The following SUGCT variants were observed in gnomAD, a reference collection of about 807,000 sequenced individuals.
SUGCT encodes succinyl-CoA:glutarate-CoA transferase, also known as succinyl-CoA:glutarate CoA-transferase.
In SUGCT, 41 loss-of-function variants were observed where a neutral mutation model predicts 55.0. That is an observed-to-expected ratio of 0.74 (90% CI 0.58 to 0.97). The LOEUF (loss-of-function observed/expected upper bound fraction) is 0.97, where lower values mean the gene tolerates loss of function less well. Among genes scored for constraint, SUGCT ranks in the 50% least tolerant of loss-of-function variants. The pLI is 0.00. For missense variants in SUGCT, 568 were observed against 547.8 expected, an observed-to-expected ratio of 1.04 and a Z score of -0.37; for synonymous variants, 187 against 200.4, an observed-to-expected ratio of 0.93 and a Z score of 0.56.
chr7:40,928,874 C>T, the SUGCT span, among the ~76,000 whole-genome samples: 2 of 152,144 alleles, frequency 1.3e-5, no homozygotes, highest in Non-Finnish European at 2.9e-5. Flanking sequence ...GCTGGGATTA[C>T]AGGCATGAGC....
chr7:40,889,331 G>A, the SUGCT span, among the ~76,000 whole-genome samples: 1 of 152,184 alleles, frequency 6.6e-6, no homozygotes, highest in South Asian at 2.1e-4. Context: ...ACTGCTAGTG[G>A]CAATCCTTGA....
At chr7:40,165,891 TGGTG>T (rs943480702) in intron 1 of SUGCT, among the ~76,000 whole-genome samples, 2 of 152,180 alleles carry the variant, frequency 1.3e-5, no homozygotes, top group African/African-American at 4.8e-5. Context: ...AGGCCGAGGC[TGGTG>T]GATCACTTAA....
chr7:40,672,463 G>C (rs956632266), intron 12 of SUGCT, among the ~76,000 whole-genome samples: 13 of 152,084 alleles, frequency 8.5e-5, no homozygotes, highest in Non-Finnish European at 4.4e-5. Flanking sequence ...AATCCCAGTA[G>C]GTTACATATG....
chr7:40,577,820 C>A (rs1796849179), intron 12 of SUGCT, among the ~76,000 whole-genome samples: 1 of 152,044 alleles, frequency 6.6e-6, no homozygotes. Flanking sequence ...GCAGTTTGAG[C>A]CTTAAGCTGA....
chr7:40,670,468 A>G (rs1277792267), intron 12 of SUGCT, among the ~76,000 whole-genome samples: 2 of 152,158 alleles, frequency 1.3e-5, no homozygotes, highest in Non-Finnish European at 2.9e-5. Context: ...ATAAAACAGG[A>G]TATTACTACA....
chr7:40,171,883 A>T (rs73131715), intron 1 of SUGCT, among the ~76,000 whole-genome samples: 3,063 of 152,362 alleles, frequency 0.02, 43 homozygotes, highest in Middle Eastern at 0.082. Flanking sequence ...ATCTTCAATT[A>T]TCAATTGTAG....
chr7:40,538,950 G>A (rs2151612816), intron 12 of SUGCT: 1 of 152,482 alleles, frequency 6.6e-6, no homozygotes. Flanking sequence ...ATGGTGGCAG[G>A]TGCCTGTAGT....
chr7:40,649,765 A>T (rs900085274), intron 12 of SUGCT, among the ~76,000 whole-genome samples: 141 of 152,322 alleles, frequency 9.3e-4, no homozygotes, highest in African/African-American at 3.2e-3. Context: ...TTATTCAAAA[A>T]TTGTCCATAT....
intron 7 of SUGCT, among the ~76,000 whole-genome samples, chr7:40,242,933 A>ATATATATATATATATGTATATTTTTTT (rs1270335224): frequency 5.8e-5 from 1 of 17,202 alleles, no homozygotes; most frequent in African/African-American, 1.5e-4. Context: ...ATATATATAT[A>ATATATATATATATATGTATATTTTTTT]TTTTTTTTTT....
intron 11 of SUGCT, among the ~76,000 whole-genome samples, chr7:40,468,253 C>T (rs73688099): frequency 0.051 from 7,809 of 152,074 alleles, 352 homozygotes; most frequent in African/African-American, 0.11. Flanking sequence ...TTTATGTGTA[C>T]GTTTTTCACT....
chr7:40,249,435 A>G (rs1329353281), intron 7 of SUGCT, among the ~76,000 whole-genome samples: 2 of 147,036 alleles, frequency 1.4e-5, no homozygotes, highest in African/African-American at 5.0e-5. Flanking sequence ...TATATAATGT[A>G]TTCCACAAGA....
intron 13 of SUGCT, among the ~76,000 whole-genome samples, chr7:40,785,672 A>G (rs1789975027): frequency 6.6e-6 from 1 of 152,220 alleles, no homozygotes; most frequent in African/African-American, 2.4e-5. Flanking sequence ...AAAAAAAGTT[A>G]AGGTATTAAA....
At chr7:40,972,456 G>A in the SUGCT span, among the ~76,000 whole-genome samples, 1 of 152,218 alleles carries the variant, frequency 6.6e-6, no homozygotes, top group Admixed American at 6.5e-5. Context: ...ATGAATATCA[G>A]CATGTACGTT....
At chr7:40,665,470 A>C (rs1225131740) in intron 12 of SUGCT, among the ~76,000 whole-genome samples, 1 of 151,132 alleles carries the variant, frequency 6.6e-6, no homozygotes, top group Non-Finnish European at 1.5e-5. Flanking sequence ...TAAATAAATA[A>C]ATAAATAAAG....
In SUGCT at chr7:40,558,746, A is replaced by C. The variant is rs1271383981; in HGVS notation, c.1089+62360A>C. Among the ~76,000 whole-genome samples the C allele has an allele frequency of 2.0e-5, 3 of 152,210 alleles. No homozygotes were observed. The East Asian group carries it at 5.8e-4, about 29-fold the overall frequency. ...TAGTGCAATTGAATTGTATACTTTA[A>C]CATGTTAAAAGTGGCAGATTTTATG... is the stretch of plus-strand genomic sequence containing the variant. On this transcript the variant is annotated intron_variant, in intron 12 of 13. Transcript: ENST00000335693.
At chr7:40,958,208 G>A in the SUGCT span, among the ~76,000 whole-genome samples, 2 of 152,132 alleles carry the variant, frequency 1.3e-5, no homozygotes, top group Admixed American at 6.5e-5. Context: ...ATGTTGGCCT[G>A]TCTTGCTATG....
chr7:40,276,386 G>A (rs192472220), intron 8 of SUGCT, among the ~76,000 whole-genome samples: 2 of 152,174 alleles, frequency 1.3e-5, no homozygotes, highest in Non-Finnish European at 2.9e-5. Context: ...TTTCATGGGT[G>A]TGTAATCTGT....
At chr7:40,912,213 T>C in the SUGCT span, among the ~76,000 whole-genome samples, 1 of 152,210 alleles carries the variant, frequency 6.6e-6, no homozygotes, top group East Asian at 1.9e-4. Flanking sequence ...TTAATTTAGA[T>C]TGGCCACATT....
At chr7:40,880,711 C>T in the SUGCT span, among the ~76,000 whole-genome samples, 1 of 152,198 alleles carries the variant, frequency 6.6e-6, no homozygotes, top group East Asian at 1.9e-4. Context: ...CAGAGAATCT[C>T]TTCGTTGCCT....
Sources: allele counts gnomAD v4.1 joint callset (sites outside exome capture counted in the v4.1 genomes callset), GRCh38; gene constraint gnomAD v4.1.1; transcripts MANE v1.5; gene names NCBI Gene and HGNC (gene_info 2026-07-23, HGNC 2026-07-21).